Variants in IQSEC1 observed in about 807,000 individuals in gnomAD.
IQSEC1 encodes the protein IQ motif and Sec7 domain ArfGEF 1, also known as IQ motif and SEC7 domain-containing protein 1.
IQSEC1 carries 31 observed loss-of-function variants against 91.0 expected under a neutral mutation model. That is an observed-to-expected ratio of 0.34 (90% confidence interval 0.26 to 0.46). IQSEC1 has a LOEUF of 0.46. Among genes scored for constraint, IQSEC1 ranks in the 20% least tolerant of loss-of-function variants. IQSEC1 has a pLI of 1.00. For missense variants in IQSEC1, 1,388 were observed against 1,575.6 expected, an observed-to-expected ratio of 0.88 and a Z score of 2.02; for synonymous variants, 699 against 662.6, an observed-to-expected ratio of 1.05 and a Z score of -0.84.
chr3:13,070,984 T>C (rs1265561774), intron 1 of IQSEC1, among the ~76,000 whole-genome samples: 2 of 152,144 alleles, frequency 1.3e-5, no homozygotes, highest in Non-Finnish European at 2.9e-5. Flanking sequence ...AAAACTGCAA[T>C]TGGATAGGCT....
At chr3:13,012,964 C>CTTTTTTTTTTTTTT (rs35541458) in intron 1 of IQSEC1, among the ~76,000 whole-genome samples, 2,091 of 97,366 alleles carry the variant, frequency 0.021, 353 homozygotes, top group African/African-American at 0.058. Context: ...AAAGTCTGGG[C>CTTTTTTTTTTTTTT]TTTTTTTTTT....
chr3:12,925,326 T>C (rs1575927547), intron 3 of IQSEC1, among the ~76,000 whole-genome samples: 1 of 152,174 alleles, frequency 6.6e-6, no homozygotes, highest in East Asian at 1.9e-4. Flanking sequence ...GCCGCCGCTG[T>C]TGAGGCGCCC....
intron 2 of IQSEC1, among the ~76,000 whole-genome samples, chr3:13,119,016 A>C (rs1033685555): frequency 1.3e-5 from 2 of 152,122 alleles, no homozygotes; most frequent in African/African-American, 4.8e-5. Context: ...CAAAGGTTGC[A>C]GTGAGTCGAG....
chr3:13,197,928 C>T (rs935811075), intron 1 of IQSEC1, among the ~76,000 whole-genome samples: 3 of 152,226 alleles, frequency 2.0e-5, no homozygotes. Flanking sequence ...CCAGCAGGAG[C>T]GGAGCGTGGT....
chr3:12,959,601 T>C (rs904271631), intron 1 of IQSEC1, among the ~76,000 whole-genome samples: 1 of 152,156 alleles, frequency 6.6e-6, no homozygotes, highest in Admixed American at 6.5e-5. Flanking sequence ...GTTCCCGAGT[T>C]GGGCCAACAG....
intron 1 of IQSEC1, among the ~76,000 whole-genome samples, chr3:12,949,265 GCA>G (rs1699382383): frequency 6.6e-6 from 1 of 152,228 alleles, no homozygotes; most frequent in Non-Finnish European, 1.5e-5. Context: ...CTGGGGTTGT[GCA>G]CAGTTATGAG....
intron 2 of IQSEC1, among the ~76,000 whole-genome samples, chr3:13,086,001 G>A (rs776046808): frequency 2.0e-5 from 3 of 152,250 alleles, no homozygotes; most frequent in Non-Finnish European, 2.9e-5. Context: ...CCCCCAGTCT[G>A]GCTGGTAACT....
intron 2 of IQSEC1, among the ~76,000 whole-genome samples, chr3:13,137,565 TAGA>T (rs1468224867): frequency 6.6e-6 from 1 of 152,214 alleles, no homozygotes; most frequent in Admixed American, 6.5e-5. Context: ...ATCTCTGGGG[TAGA>T]AGAAGTCGCA....
At chr3:13,201,879 C>G (rs766115404) in intron 1 of IQSEC1, among the ~76,000 whole-genome samples, 1 of 152,200 alleles carries the variant, frequency 6.6e-6, no homozygotes, top group Non-Finnish European at 1.5e-5. Flanking sequence ...TAGTCATAAA[C>G]CTTGTGGCTT....
At chr3:12,948,271 C>G (rs959572322) in intron 1 of IQSEC1, among the ~76,000 whole-genome samples, 1 of 152,266 alleles carries the variant, frequency 6.6e-6, no homozygotes, top group Non-Finnish European at 1.5e-5. Flanking sequence ...CAAGCCCCAG[C>G]AGCTGGAGGC....
chr3:13,188,144 A>T (rs1237400903), intron 1 of IQSEC1, among the ~76,000 whole-genome samples: 1 of 152,168 alleles, frequency 6.6e-6, no homozygotes, highest in Non-Finnish European at 1.5e-5. Flanking sequence ...TGAAACTGAG[A>T]CTGCTTCTAG....
In IQSEC1 at chr3:12,994,634, C is replaced by A. The variant is rs1009097645; in HGVS notation, c.24-52769G>T. ...GGCCGAAACGCCCCACCCCCGCCGC[C>A]GTCCCCAGTTCGCAGATGGGAACAC... On this transcript the variant is annotated intron_variant, in intron 1 of 13. Transcript: ENST00000613206. This position sits in a 1 kb window ranked among gnomAD's most constrained non-coding sequence, Gnocchi z 4.5. Among the ~76,000 whole-genome samples the A allele has an allele frequency of 1.3e-5, 2 of 152,238 alleles. No individual in the cohort carries two copies. Among genetic ancestry groups the A allele is most frequent in the Non-Finnish European group, 2.9e-5 (2 of 68,046 alleles).
intron 1 of IQSEC1, chr3:13,015,753 T>A (rs1391213023): frequency 1.0e-6 from 1 of 985,048 alleles, no homozygotes; most frequent in East Asian, 1.1e-4. Context: ...CCAGGCACCC[T>A]GGGGCCCCCG....
At chr3:13,030,869 C>G (rs1277255490) in intron 1 of IQSEC1, among the ~76,000 whole-genome samples, 1 of 152,272 alleles carries the variant, frequency 6.6e-6, no homozygotes, top group Non-Finnish European at 1.5e-5. Flanking sequence ...CGCCTTACAA[C>G]TCCGAGGTTC....
At chr3:13,162,774 C>G (rs1332678840) in intron 2 of IQSEC1, among the ~76,000 whole-genome samples, 2 of 152,210 alleles carry the variant, frequency 1.3e-5, no homozygotes, top group Non-Finnish European at 2.9e-5. Flanking sequence ...CCTCCTCCTC[C>G]TCAGGGCCAC....
At chr3:13,278,989 C>T (rs1390761198) in intron 1 of IQSEC1, among the ~76,000 whole-genome samples, 1 of 152,150 alleles carries the variant, frequency 6.6e-6, no homozygotes, top group Non-Finnish European at 1.5e-5. Context: ...CTGCACCTGC[C>T]TCGTAGGAGT....
chr3:13,047,234 G>C (rs1178054386), intron 1 of IQSEC1, among the ~76,000 whole-genome samples: 1 of 152,188 alleles, frequency 6.6e-6, no homozygotes, highest in African/African-American at 2.4e-5. Flanking sequence ...TGGTCTTTGG[G>C]GGCAGAACTT....
chr3:13,150,826 G>T (rs535262034), intron 2 of IQSEC1, among the ~76,000 whole-genome samples: 1 of 152,344 alleles, frequency 6.6e-6, no homozygotes, highest in East Asian at 1.9e-4. Flanking sequence ...GCTGTACTGC[G>T]TAAGACAGGG....
intron 3 of IQSEC1, among the ~76,000 whole-genome samples, chr3:12,933,582 C>G (rs1329532725): frequency 6.6e-6 from 1 of 152,212 alleles, no homozygotes; most frequent in Admixed American, 6.5e-5. Context: ...GGAGGGTGCC[C>G]CTGGCATCAG....
Sources: allele counts gnomAD v4.1 joint callset (sites outside exome capture counted in the v4.1 genomes callset), GRCh38; gene constraint gnomAD v4.1.1; non-coding constraint Gnocchi (gnomAD v3.1); transcripts MANE v1.5; gene names NCBI Gene and HGNC (gene_info 2026-07-23, HGNC 2026-07-21).